The following JAKMIP3 variants were observed in gnomAD, a reference collection of about 807,000 sequenced individuals.
JAKMIP3 encodes the protein Janus kinase and microtubule interacting protein 3.
In JAKMIP3, 58 loss-of-function variants were observed where a neutral mutation model predicts 118.5. The ratio of observed to expected loss-of-function variants is 0.49; its 90% CI spans 0.40 to 0.61. JAKMIP3 has a LOEUF of 0.61. JAKMIP3 is among the 20% of genes least tolerant of loss of function. The pLI is 0.00. For synonymous variants in JAKMIP3, 486 were observed against 451.2 expected, an observed-to-expected ratio of 1.08 and a Z score of -0.98; for missense variants, 950 against 1,109.0, an observed-to-expected ratio of 0.86 and a Z score of 2.04.
intron 23 of JAKMIP3, among the ~76,000 whole-genome samples, chr10:132,180,730 CGTGT>C (rs1211226738): frequency 0.13 from 1,119 of 8,674 alleles, 449 homozygotes; most frequent in Middle Eastern, 0.5. Flanking sequence ...CGTGTGTGTG[CGTGT>C]GTGCGTGCGT....
rs1454486914 is a variant in JAKMIP3 at position 132,132,778 on chromosome 10, C to T, written c.634-534C>T. ...CAGTGGTGCCCCTACGTTGCACAGC[C>T]CTCCCCTGGGGAGTGGGCCTGGGCT... On this transcript the variant is annotated intron_variant, in intron 3 of 23. Coordinates refer to ENST00000684848, the MANE Select transcript of JAKMIP3 (RefSeq NM_001323087.2). 2.6e-5 allele frequency among the ~76,000 whole-genome samples: 4 copies of T among 152,198 alleles called. No homozygotes were observed. In the South Asian group the frequency reaches 8.3e-4, roughly 31 times the overall value.
At chr10:132,083,527 T>C (rs2042030792) in intron 1 of JAKMIP3, among the ~76,000 whole-genome samples, 1 of 152,224 alleles carries the variant, frequency 6.6e-6, no homozygotes, top group Non-Finnish European at 1.5e-5. Flanking sequence ...CAAAAGCTCT[T>C]TAGTTTAATT....
intron 19 of JAKMIP3, among the ~76,000 whole-genome samples, chr10:132,156,665 T>C (rs2057129395): frequency 6.6e-6 from 1 of 152,154 alleles, no homozygotes; most frequent in Non-Finnish European, 1.5e-5. Flanking sequence ...TGGAAGTGGT[T>C]CTGCCTTTCT....
chr10:132,152,924 T>C, intron 16 of JAKMIP3, 34 bp from the exon 17 acceptor site: 1 of 1,562,796 alleles, frequency 6.4e-7, no homozygotes, highest in Non-Finnish European at 8.7e-7. Context: ...AGGCACTGCT[T>C]CTGACCGCAC....
chr10:132,145,154 A>G lies in JAKMIP3; in HGVS notation c.1650A>G (p.Ile550Met). The stretch of plus-strand genomic sequence containing the variant: ...AAGTGCAGAGGGCACAGGCGCGGAT[A>G]GAGGACCTGGAGAAGGCCCTGGCGG... ...QAEVQRAQAR[I>M]EDLEKALAEQ... The change falls in exon 12 of 24, where the codon ATA (isoleucine) becomes ATG (methionine). Residue 550 changes from isoleucine (I) to methionine (M), a missense_variant. Coordinates refer to ENST00000684848, the MANE Select transcript of JAKMIP3 (RefSeq NM_001323087.2). 5.0e-6 allele frequency: 8 copies of G among 1,612,486 alleles called. No individual in the cohort carries two copies. The South Asian group carries it at 8.8e-5, about 18-fold the overall frequency.
chr10:132,040,141 G>A (rs1414244999), intron 1 of JAKMIP3, among the ~76,000 whole-genome samples: 1 of 152,148 alleles, frequency 6.6e-6, no homozygotes. Flanking sequence ...TTTGGGAGCT[G>A]ACGGGGTGAG....
At chr10:132,119,935 C>T (rs2048276852) in intron 3 of JAKMIP3, among the ~76,000 whole-genome samples, 1 of 152,196 alleles carries the variant, frequency 6.6e-6, no homozygotes, top group Non-Finnish European at 1.5e-5. Flanking sequence ...CCTGACAAAA[C>T]CCATTTGCAT....
At chr10:132,136,219 G>A (rs1428955148) in intron 6 of JAKMIP3, 143 bp downstream of exon 6, 7 of 866,846 alleles carry the variant, frequency 8.1e-6, no homozygotes, top group Non-Finnish European at 1.2e-5. Context: ...CCTCACGCAT[G>A]TTTGAAGGGG....
intron 19 of JAKMIP3, among the ~76,000 whole-genome samples, chr10:132,159,409 C>T (rs2057586971): frequency 1.1e-5 from 1 of 91,242 alleles, no homozygotes; most frequent in Non-Finnish European, 2.0e-5. Context: ...CTGAGGGGGC[C>T]TATTCCTGTG....
At chr10:132,141,831 GA>G in intron 10 of JAKMIP3, 88 bp from the exon 11 acceptor site, 1 of 1,436,662 alleles carries the variant, frequency 7.0e-7, no homozygotes. Context: ...TATCTGGGGA[GA>G]AGGGAAGCCC....
At chr10:132,089,140 G>A (rs546901335) in intron 1 of JAKMIP3, among the ~76,000 whole-genome samples, 3 of 152,158 alleles carry the variant, frequency 2.0e-5, no homozygotes, top group Non-Finnish European at 2.9e-5. Flanking sequence ...GTCAAGTAGT[G>A]TGATGCCTCC....
intron 1 of JAKMIP3, among the ~76,000 whole-genome samples, chr10:132,054,337 A>G (rs1270458584): frequency 6.6e-6 from 1 of 152,114 alleles, no homozygotes; most frequent in Non-Finnish European, 1.5e-5. Flanking sequence ...TTTACCAAGA[A>G]TTTAAAAAAA....
intron 1 of JAKMIP3, among the ~76,000 whole-genome samples, chr10:132,045,314 G>T (rs2037875950): frequency 6.6e-6 from 1 of 152,146 alleles, no homozygotes; most frequent in Non-Finnish European, 1.5e-5. Flanking sequence ...CCTGGATGTT[G>T]GCTTCTCCCT....
intron 1 of JAKMIP3, among the ~76,000 whole-genome samples, chr10:132,041,360 C>T (rs1053999713): frequency 6.6e-6 from 1 of 152,152 alleles, no homozygotes; most frequent in African/African-American, 2.4e-5. Flanking sequence ...GTGGTAGGTG[C>T]CAGTGGGAAC....
At chr10:132,067,246 C>A (rs530973539) in intron 1 of JAKMIP3, among the ~76,000 whole-genome samples, 2 of 146,988 alleles carry the variant, frequency 1.4e-5, no homozygotes, top group Non-Finnish European at 3.0e-5. Flanking sequence ...AGACGCCTGG[C>A]ACATTCACAT....
At chr10:132,040,215 G>A (rs1054602458) in intron 1 of JAKMIP3, among the ~76,000 whole-genome samples, 1 of 152,160 alleles carries the variant, frequency 6.6e-6, no homozygotes, top group Non-Finnish European at 1.5e-5. Context: ...ACATGGGATC[G>A]GGCTCTCTCC....
intron 3 of JAKMIP3, among the ~76,000 whole-genome samples, chr10:132,122,905 T>G: frequency 6.6e-6 from 1 of 152,174 alleles, no homozygotes; most frequent in East Asian, 1.9e-4. Flanking sequence ...CAGAATGCCT[T>G]GGCTAGGGAA....
chr10:132,110,983 T>C (rs572893569), intron 2 of JAKMIP3, among the ~76,000 whole-genome samples: 2 of 152,258 alleles, frequency 1.3e-5, no homozygotes, highest in Non-Finnish European at 2.9e-5. Context: ...GGGCCCCTGA[T>C]GCCTGTTCTG....
intron 1 of JAKMIP3, among the ~76,000 whole-genome samples, chr10:132,092,457 C>T (rs1264791846): frequency 2.0e-5 from 3 of 152,252 alleles, no homozygotes; most frequent in South Asian, 2.1e-4. Context: ...TTGGAGGCTT[C>T]GTTCATTTCT....
Sources: gnomAD v4.1 joint callset for allele counts (sites outside exome capture counted in the v4.1 genomes callset) on GRCh38, gnomAD v4.1.1 for gene constraint, MANE v1.5 for transcripts, NCBI Gene and HGNC (gene_info 2026-07-23, HGNC 2026-07-21) for gene names.